The following FRY variants were observed in gnomAD, a reference collection of about 807,000 sequenced individuals.
The protein encoded by FRY is FRY microtubule binding protein.
Under a neutral mutation model 348.4 loss-of-function variants are expected in FRY, and 128 were observed. The observed-to-expected ratio is 0.37, with a 90% CI of 0.32 to 0.43. FRY has a LOEUF of 0.43. Among genes scored for constraint, FRY ranks in the 20% least tolerant of loss-of-function variants. The pLI is 1.00. For synonymous variants in FRY, 1,370 were observed against 1,374.7 expected, an observed-to-expected ratio of 1.00 and a Z score of 0.08; for missense variants, 2,736 against 3,695.2, an observed-to-expected ratio of 0.74 and a Z score of 6.73.
intron 1 of FRY, among the ~76,000 whole-genome samples, chr13:32,046,100 C>A (rs1437467569): frequency 6.6e-6 from 1 of 152,174 alleles, no homozygotes; most frequent in African/African-American, 2.4e-5. Context: ...TTCTGCCAAA[C>A]AAGGCCCTTG....
At chr13:32,154,746 A>T (rs1881005677) in intron 14 of FRY, among the ~76,000 whole-genome samples, 2 of 152,312 alleles carry the variant, frequency 1.3e-5, no homozygotes, top group Admixed American at 6.5e-5. Flanking sequence ...CATGAGTTTT[A>T]AAAATATTGG....
intron 31 of FRY, among the ~76,000 whole-genome samples, chr13:32,207,150 T>C (rs549376340): frequency 2.6e-4 from 39 of 152,364 alleles, no homozygotes; most frequent in African/African-American, 2.9e-4. Flanking sequence ...AATTATGTAA[T>C]GCATAAGTCT....
chr13:32,251,800 A>G, intron 49 of FRY, 78 bp from the exon 50 acceptor site: 1 of 860,752 alleles, frequency 1.2e-6, no homozygotes, highest in Non-Finnish European at 2.0e-6. Flanking sequence ...ATTGCCCTGT[A>G]TGGCTAGTGG....
At chr13:32,258,597 AG>A (rs1887460035) in intron 51 of FRY, among the ~76,000 whole-genome samples, 2 of 144,934 alleles carry the variant, frequency 1.4e-5, no homozygotes, top group Non-Finnish European at 3.0e-5. Flanking sequence ...TGGGTAACAG[AG>A]CAAGACTCTG....
chr13:32,233,775 C>G (rs776939411), intron 41 of FRY, among the ~76,000 whole-genome samples: 13 of 152,088 alleles, frequency 8.5e-5, no homozygotes, highest in Non-Finnish European at 1.2e-4. Context: ...ATTTGTGAAC[C>G]TATGTTATGT....
At position 32,105,389 on chromosome 13, in the gene FRY, G is replaced by A. The variant is rs142008902; in HGVS notation, c.324+3373G>A. Among the ~76,000 whole-genome samples the A allele has an allele frequency of 3.0e-3, 454 of 152,308 alleles. 2 individuals carry two copies. Among genetic ancestry groups the A allele is most frequent in the African/African-American group, 1.0e-2 (415 of 41,560 alleles). On this transcript the variant is annotated intron_variant, in intron 3 of 60. Transcript: ENST00000542859. ...TTGATCTTGGACTTCCCAGCCTCCA[G>A]AACTGTGATGAGTACATTTTTGTTC...
In FRY at chr13:32,139,259, T is replaced by C. The variant is rs115630864; in HGVS notation, c.1179+2287T>C. Among the ~76,000 whole-genome samples, 1,042 of 152,288 alleles carry C rather than the reference T, an allele frequency of 6.8e-3. 15 individuals carry two copies. Among genetic ancestry groups the C allele is most frequent in the African/African-American group, 0.023 (965 of 41,540 alleles). On this transcript the variant is annotated intron_variant, in intron 11 of 60. Coordinates refer to ENST00000542859, the MANE Select transcript of FRY (RefSeq NM_023037.3). ...TATACTTTGTCTTGAATTGCTGCAG[T>C]ATTTTATGGGATTTAGAGCCAATTC...
chr13:32,148,875 T>C (rs1880623959), intron 13 of FRY, among the ~76,000 whole-genome samples: 1 of 152,158 alleles, frequency 6.6e-6, no homozygotes. Context: ...TTCTGTAATA[T>C]TTGTACTTAG....
At chr13:32,270,571 T>C (rs1196124516) in intron 55 of FRY, among the ~76,000 whole-genome samples, 1 of 152,232 alleles carries the variant, frequency 6.6e-6, no homozygotes, top group Non-Finnish European at 1.5e-5. Flanking sequence ...ATGGTCATTT[T>C]TATTAGAGTT....
At chr13:32,076,543 G>T (rs1875072637) in intron 1 of FRY, among the ~76,000 whole-genome samples, 1 of 152,162 alleles carries the variant, frequency 6.6e-6, no homozygotes, top group Non-Finnish European at 1.5e-5. Context: ...GGAATAAATA[G>T]TGCCTTTTAG....
intron 4 of FRY, among the ~76,000 whole-genome samples, chr13:32,121,968 T>A (rs1219936787): frequency 6.6e-6 from 1 of 152,194 alleles, no homozygotes; most frequent in Non-Finnish European, 1.5e-5. Context: ...AGGTGAGAGA[T>A]GAAGATCTAG....
chr13:32,133,633 T>C (rs1879507556), intron 8 of FRY, among the ~76,000 whole-genome samples: 1 of 152,092 alleles, frequency 6.6e-6, no homozygotes, highest in African/African-American at 2.4e-5. Flanking sequence ...ATGATATTGA[T>C]AGAATGAGGA....
intron 35 of FRY, among the ~76,000 whole-genome samples, chr13:32,217,108 C>G (rs988854424): frequency 6.6e-6 from 1 of 152,142 alleles, no homozygotes; most frequent in African/African-American, 2.4e-5. Flanking sequence ...AGCAATAGCC[C>G]TGCACCTTCC....
chr13:32,175,613 A>G lies in FRY; in HGVS notation c.2402A>G (p.His801Arg), dbSNP rs775198609. The G allele has an allele frequency of 1.9e-6, 3 of 1,601,664 alleles. No individual in the cohort carries two copies. Among genetic ancestry groups the G allele is most frequent in the Admixed American group, 3.3e-5 (2 of 59,986 alleles). ...TCTTCCATTCTAGAAAGTTTTATTC[A>G]TGTAGCAGTTTCGGATTCAGTAAGT... is the stretch of plus-strand genomic sequence containing the variant. ...LSSSILESFI[H>R]VAVSDSATLP... Residue 801 changes from histidine to arginine, a missense_variant, in exon 20 of 61, where the codon CAT becomes CGT. Transcript: ENST00000542859.
intron 1 of FRY, among the ~76,000 whole-genome samples, chr13:32,063,043 T>A (rs1374570351): frequency 6.6e-6 from 1 of 152,148 alleles, no homozygotes; most frequent in Non-Finnish European, 1.5e-5. Flanking sequence ...ATAATGCATA[T>A]TATATTAACA....
At chr13:32,248,904 T>TAAAATTGA in intron 48 of FRY, among the ~76,000 whole-genome samples, 1 of 152,290 alleles carries the variant, frequency 6.6e-6, no homozygotes, top group East Asian at 1.9e-4. Context: ...GAGCCAGGTG[T>TAAAATTGA]AAAATTGACA....
intron 33 of FRY, among the ~76,000 whole-genome samples, chr13:32,210,213 A>G (rs926212997): frequency 1.3e-5 from 2 of 152,200 alleles, no homozygotes; most frequent in African/African-American, 4.8e-5. Context: ...AATGTCTGAT[A>G]TTTACAGTTG....
intron 19 of FRY, among the ~76,000 whole-genome samples, chr13:32,174,655 C>G (rs1386423318): frequency 5.9e-5 from 9 of 152,112 alleles, no homozygotes; most frequent in Non-Finnish European, 8.8e-5. Flanking sequence ...CTCTAACGCC[C>G]CACTTCTTAA....
Position 32,234,776 on chromosome 13 carries a change from A to G in FRY, c.5715+15A>G. The G allele has an allele frequency of 6.2e-7, 1 of 1,607,112 alleles. No homozygotes were observed. Among genetic ancestry groups the G allele is most frequent in the Non-Finnish European group, 8.5e-7 (1 of 1,173,652 alleles). On this transcript the variant is annotated intron_variant, in intron 42 of 60. Coordinates refer to ENST00000542859, the MANE Select transcript of FRY (RefSeq NM_023037.3). Reference sequence around the variant, plus strand: ...ATGAGATTCAGGTATGGAAGGGAAGACCACTGAGCTCGTGAAGGATGAGCT... The same window carrying G: ...ATGAGATTCAGGTATGGAAGGGAAGGCCACTGAGCTCGTGAAGGATGAGCT...
Sources: gnomAD v4.1 joint callset for allele counts (sites outside exome capture counted in the v4.1 genomes callset) on GRCh38, gnomAD v4.1.1 for gene constraint, MANE v1.5 for transcripts, NCBI Gene and HGNC (gene_info 2026-07-23, HGNC 2026-07-21) for gene names.